RAB12: variants seen among roughly 807,000 people sequenced by gnomAD.
RAB12 encodes ras-related protein Rab-12.
In RAB12, 11 loss-of-function variants were observed where a neutral mutation model predicts 28.4. That is an observed-to-expected ratio of 0.39 (90% CI 0.24 to 0.64). The LOEUF (loss-of-function observed/expected upper bound fraction) is 0.64, where lower values mean the gene tolerates loss of function less well. Ranked by LOEUF, RAB12 falls within the 30% of genes least tolerant of loss-of-function variation. The pLI, the probability that RAB12 is intolerant of heterozygous loss-of-function variation, is 0.50. For synonymous variants in RAB12, 138 were observed against 145.3 expected, an observed-to-expected ratio of 0.95 and a Z score of 0.36; for missense variants, 276 against 351.1, an observed-to-expected ratio of 0.79 and a Z score of 1.71.
Position 8,638,283 on chromosome 18 carries a change from G to A in RAB12, c.*21G>A. On this transcript the variant is annotated 3_prime_UTR_variant, in exon 6 of 6. Transcript: ENST00000649141. ...GTTGATTTCCTACTTTGGAGACAAA[G>A]TGGAAATGATTCCTGGAAAGGGGAA... 1 of 1,538,166 alleles carries A rather than the reference G, an allele frequency of 6.5e-7. No homozygotes were observed. Among genetic ancestry groups the A allele is most frequent in the Non-Finnish European group, 9.0e-7 (1 of 1,112,060 alleles).
intron 1 of RAB12, among the ~76,000 whole-genome samples, chr18:8,613,862 TA>T (rs1184312309): frequency 7.2e-5 from 11 of 151,934 alleles, no homozygotes; most frequent in Admixed American, 1.3e-4. Context: ...GTAGTAGTAG[TA>T]GTAGTGGTCA....
intron 2 of RAB12, among the ~76,000 whole-genome samples, chr18:8,630,628 A>G (rs938272912): frequency 3.9e-5 from 6 of 152,148 alleles, no homozygotes; most frequent in Non-Finnish European, 8.8e-5. Context: ...GAGGACTTCA[A>G]ATTTTATATT....
At chr18:8,627,662 A>T (rs1243685655) in intron 2 of RAB12, among the ~76,000 whole-genome samples, 1 of 152,222 alleles carries the variant, frequency 6.6e-6, no homozygotes, top group Non-Finnish European at 1.5e-5. Flanking sequence ...ATTTACAGTG[A>T]ACTTGGAGTT....
At chr18:8,628,329 G>A (rs1313907281) in intron 2 of RAB12, among the ~76,000 whole-genome samples, 3 of 152,086 alleles carry the variant, frequency 2.0e-5, no homozygotes, top group African/African-American at 7.2e-5. Context: ...TTATTCTTTG[G>A]CCGTACCTGA....
chr18:8,619,573 C>T (rs567725419), intron 1 of RAB12, among the ~76,000 whole-genome samples: 25 of 152,318 alleles, frequency 1.6e-4, no homozygotes, highest in South Asian at 1.2e-3. Flanking sequence ...GAACATCTCA[C>T]GCTTTTCTCT....
At chr18:8,637,700 A>G (rs2096019711) in intron 5 of RAB12, among the ~76,000 whole-genome samples, 1 of 152,212 alleles carries the variant, frequency 6.6e-6, no homozygotes, top group South Asian at 2.1e-4. Context: ...CTAAAAACTT[A>G]ACGACTAAAA....
At chr18:8,632,825 C>A in intron 2 of RAB12, 1 of 232,376 alleles carries the variant, frequency 4.3e-6, no homozygotes, top group Non-Finnish European at 8.3e-6. Flanking sequence ...ATTTTAAAAA[C>A]TTTTCCCCCA....
rs901722704 is a variant in RAB12 at position 8,622,599 on chromosome 18, T to C, written c.515-2339T>C. On this transcript the variant is annotated intron_variant, in intron 1 of 5. Transcript: ENST00000649141. Reference sequence around the variant, plus strand: ...CAAGGCAAGTGGAGGCAGGGCAAGATCACAGGACCAGGGCGAAATTAAAAT... The same window carrying C: ...CAAGGCAAGTGGAGGCAGGGCAAGACCACAGGACCAGGGCGAAATTAAAAT... Among the ~76,000 whole-genome samples, 5 of 152,166 alleles carry C rather than the reference T, an allele frequency of 3.3e-5. No homozygotes were observed. The East Asian group carries it at 9.6e-4, about 29-fold the overall frequency.
At chr18:8,631,810 A>G (rs1484631515) in intron 2 of RAB12, among the ~76,000 whole-genome samples, 6 of 152,226 alleles carry the variant, frequency 3.9e-5, no homozygotes, top group Admixed American at 2.0e-4. Context: ...GCTAACATTA[A>G]TCCTTCAGGT....
At chr18:8,622,525 C>A (rs1054701481) in intron 1 of RAB12, among the ~76,000 whole-genome samples, 1 of 152,100 alleles carries the variant, frequency 6.6e-6, no homozygotes, top group African/African-American at 2.4e-5. Context: ...AGTGTGTGAA[C>A]AGGTGTGGGT....
chr18:8,636,053 G>A (rs1209970463), intron 4 of RAB12, 200 bp from the exon 5 acceptor site: 12 of 551,762 alleles, frequency 2.2e-5, no homozygotes, highest in Middle Eastern at 4.8e-4. Context: ...ATCACCTTCA[G>A]GATTTTTATT....
chr18:8,639,099 C>G lies in RAB12; in HGVS notation c.*837C>G, dbSNP rs190847856. 1 of 135,984 alleles carries G rather than the reference C, an allele frequency of 7.4e-6. No individual in the cohort carries two copies. The highest frequency in any genetic ancestry group is 2.8e-5 in the African/African-American group (1 of 36,260). 8.4% of individuals were successfully genotyped at this position (135,984 alleles called of 1,614,324 possible). A position where few individuals can be genotyped will look rare whatever the true frequency, so the allele number is the denominator to read the frequency against. On this transcript the variant is annotated 3_prime_UTR_variant, in exon 6 of 6. Coordinates refer to ENST00000649141, the MANE Select transcript of RAB12 (RefSeq NM_001025300.3). ...CTGTACCTTTGTAATGATAAAACTT[C>G]CCCCTTCTTTACGGTGAAGCTTATT... is the stretch of plus-strand genomic sequence containing the variant.
Position 8,636,377 on chromosome 18 carries a change from T to C in RAB12, c.909+20T>C, listed in dbSNP as rs753226475. The C allele has an allele frequency of 1.4e-6, 2 of 1,408,716 alleles. No individual in the cohort carries two copies. Among genetic ancestry groups the C allele is most frequent in the Non-Finnish European group, 2.0e-6 (2 of 1,009,024 alleles). 87.3% of individuals were successfully genotyped at this position (1,408,716 alleles called of 1,614,324 possible). On this transcript the variant is annotated intron_variant, in intron 5 of 5. Coordinates refer to ENST00000649141, the MANE Select transcript of RAB12 (RefSeq NM_001025300.3). Reference sequence around the variant, plus strand: ...AAAAAGGTAAAAAAAAGAATCTACATTATAAAAGTATATCATCTGAAACCT... The same window carrying C: ...AAAAAGGTAAAAAAAAGAATCTACACTATAAAAGTATATCATCTGAAACCT...
At chr18:8,637,940 G>C (rs2096019854) in intron 5 of RAB12, among the ~76,000 whole-genome samples, 1 of 152,110 alleles carries the variant, frequency 6.6e-6, no homozygotes, top group African/African-American at 2.4e-5. Flanking sequence ...AGGAGGAGGA[G>C]GAGGAGGAGG....
At position 8,638,354 on chromosome 18, in the gene RAB12, G is replaced by A. The variant is rs1598315517; in HGVS notation, c.*92G>A. 75 of 871,510 alleles carry A rather than the reference G, an allele frequency of 8.6e-5. 2 individuals are homozygous for A. The South Asian group carries it at 9.2e-4, about 11-fold the overall frequency. The allele number at this position is 871,510 out of a possible 1,614,324, so 54.0% of individuals were successfully genotyped here. A position where few individuals can be genotyped will look rare whatever the true frequency, so the allele number is the denominator to read the frequency against. On this transcript the variant is annotated 3_prime_UTR_variant, in exon 6 of 6. Coordinates refer to ENST00000649141, the MANE Select transcript of RAB12 (RefSeq NM_001025300.3). ...ACAATCATTTTGACAATTTCCTTTC[G>A]CACTTTGTAATCCAAGTCAGAGCTA...
In RAB12 at chr18:8,618,862, G is replaced by A. The variant is rs2096008188; in HGVS notation, c.515-6076G>A. On this transcript the variant is annotated intron_variant, in intron 1 of 5. Coordinates refer to ENST00000649141, the MANE Select transcript of RAB12 (RefSeq NM_001025300.3). ...GAGAATTCATTTTGAACTCTTCCCCGGTAGGTGGTAGAGTTTGGGCAGAAG... is the reference window on the plus strand; with the variant it reads ...GAGAATTCATTTTGAACTCTTCCCCAGTAGGTGGTAGAGTTTGGGCAGAAG... Among the ~76,000 whole-genome samples, 5 of 152,110 alleles carry A rather than the reference G, an allele frequency of 3.3e-5. No individual in the cohort carries two copies. In the South Asian group the frequency reaches 6.2e-4, roughly 19 times the overall value.
At chr18:8,636,146 AC>A in intron 4 of RAB12, 106 bp from the exon 5 acceptor site, 1 of 730,120 alleles carries the variant, frequency 1.4e-6, no homozygotes, top group South Asian at 1.5e-5. Flanking sequence ...GGGACTTTCT[AC>A]CCCTTAATCC....
chr18:8,625,393 A>G (rs1379165803), intron 2 of RAB12, among the ~76,000 whole-genome samples: 1 of 152,186 alleles, frequency 6.6e-6, no homozygotes. Context: ...GATTTGCACA[A>G]TCTGAAGGCA....
intron 1 of RAB12, among the ~76,000 whole-genome samples, chr18:8,618,748 G>A (rs543471235): frequency 5.9e-5 from 9 of 152,268 alleles, no homozygotes; most frequent in South Asian, 4.1e-4. Context: ...TCCTGATCTC[G>A]TGATCCACCC....
Sources: gnomAD v4.1 joint callset for allele counts (sites outside exome capture counted in the v4.1 genomes callset) on GRCh38, gnomAD v4.1.1 for gene constraint, MANE v1.5 for transcripts, NCBI Gene and HGNC (gene_info 2026-07-23, HGNC 2026-07-21) for gene names.